Variants in RPH3AL observed in about 807,000 individuals in gnomAD.
RPH3AL encodes rabphilin 3A like (without C2 domains), also known as rab effector Noc2.
In RPH3AL, 38 loss-of-function variants were observed where a neutral mutation model predicts 43.1. That is an observed-to-expected ratio of 0.88 (90% CI 0.68 to 1.15). The LOEUF is 1.15. Among genes scored for constraint, RPH3AL ranks in the 50% most tolerant of loss-of-function variants. RPH3AL has a pLI of 0.00. For missense variants in RPH3AL, 462 were observed against 423.2 expected, an observed-to-expected ratio of 1.09 and a Z score of -0.81; for synonymous variants, 189 against 176.3, an observed-to-expected ratio of 1.07 and a Z score of -0.57.
rs80144485 is a variant in RPH3AL, at chr17:348,506, A to G, written c.-213+4206T>C. Among the ~76,000 whole-genome samples the G allele has an allele frequency of 9.4e-3, 1,403 of 149,046 alleles. 20 individuals are homozygous for G. The highest frequency in any genetic ancestry group is 0.033 in the African/African-American group (1,312 of 40,008). On this transcript the variant is annotated intron_variant, in intron 1 of 9. Coordinates refer to ENST00000331302, the MANE Select transcript of RPH3AL (RefSeq NM_006987.4). Reference sequence around the variant, plus strand: ...ACGGGAACTCTGTACTTTTTGTTCAATTTTTTCTGTAAACCTAACACTGTT... The same window carrying G: ...ACGGGAACTCTGTACTTTTTGTTCAGTTTTTTCTGTAAACCTAACACTGTT...
intron 5 of RPH3AL, among the ~76,000 whole-genome samples, chr17:316,877 C>T (rs1335674537): frequency 2.0e-5 from 3 of 152,164 alleles, no homozygotes; most frequent in African/African-American, 7.2e-5. Flanking sequence ...CTGTGCTCCA[C>T]CTCCATTGAC....
At chr17:243,519 T>C (rs1597916808) in intron 7 of RPH3AL, among the ~76,000 whole-genome samples, 2 of 146,248 alleles carry the variant, frequency 1.4e-5, no homozygotes, top group Non-Finnish European at 1.5e-5. Context: ...CCTTCCTCTA[T>C]TGATTACCTT....
intron 5 of RPH3AL, among the ~76,000 whole-genome samples, chr17:304,778 C>T (rs577155781): frequency 3.3e-5 from 5 of 151,894 alleles, no homozygotes; most frequent in Non-Finnish European, 5.9e-5. Context: ...TCCCGCCCTG[C>T]CCCACGGAGC....
chr17:343,907 C>T (rs76181809), intron 1 of RPH3AL, among the ~76,000 whole-genome samples: 3,041 of 129,442 alleles, frequency 0.023, 50 homozygotes, highest in Admixed American at 0.062. Flanking sequence ...CAGGGTAGGG[C>T]CATCATGGCC....
rs370507993 is a variant in RPH3AL at position 351,095 on chromosome 17, C to G, written c.-213+1617G>C. On this transcript the variant is annotated intron_variant, in intron 1 of 9. Coordinates refer to ENST00000331302, the MANE Select transcript of RPH3AL (RefSeq NM_006987.4). The stretch of plus-strand genomic sequence containing the variant: ...CTGCCCATCACCCACGGCCTCCCCA[C>G]AGAGGGCCAAGGCTCAGCTTGTCCA... Among the ~76,000 whole-genome samples, 8 of 152,188 alleles carry G rather than the reference C, an allele frequency of 5.3e-5. 1 individual carries two copies. In the East Asian group the frequency reaches 1.2e-3, roughly 22 times the overall value.
chr17:246,039 C>T lies in RPH3AL; in HGVS notation c.613+1072G>A, dbSNP rs1043634216. On this transcript the variant is annotated intron_variant, in intron 7 of 9. Transcript: ENST00000331302. The surrounding 1 kb of genome is among the most constrained non-coding windows in gnomAD (Gnocchi z 4.8). ...AAGGCACAGATGCCGACCTACCTGG[C>T]AGGTCCACGTATGGGGGATTTATAC... 8.5e-5 allele frequency among the ~76,000 whole-genome samples: 13 copies of T among 152,184 alleles called. No individual in the cohort carries two copies. Among genetic ancestry groups the T allele is most frequent in the African/African-American group, 2.9e-4 (12 of 41,434 alleles).
intron 2 of RPH3AL, chr17:331,334 C>T (rs2151715181): frequency 4.8e-5 from 2 of 41,818 alleles, no homozygotes; most frequent in Non-Finnish European, 1.0e-4. Flanking sequence ...AAGGATGTCG[C>T]CTCCAGAGCT....
At chr17:236,444 C>T (rs139274310) in intron 7 of RPH3AL, among the ~76,000 whole-genome samples, 3 of 152,026 alleles carry the variant, frequency 2.0e-5, no homozygotes, top group South Asian at 2.1e-4. Context: ...GTTTGACTAT[C>T]GGACACTGGC....
intron 5 of RPH3AL, among the ~76,000 whole-genome samples, chr17:314,374 G>A (rs1337197247): frequency 6.6e-6 from 1 of 152,120 alleles, no homozygotes; most frequent in Non-Finnish European, 1.5e-5. Context: ...CACTGCCCGA[G>A]TCCTGCAAGT....
Position 327,595 on chromosome 17 carries a change from G to A in RPH3AL, c.-36-16C>T, listed in dbSNP as rs775970621. ...GGAGTCACATCTGAGATGAAGGAGG[G>A]AAGACGAAAGAGTGTGCATCATTGG... On this transcript the variant is annotated splice_polypyrimidine_tract_variant and intron_variant, in intron 2 of 9. Coordinates refer to ENST00000331302, the MANE Select transcript of RPH3AL (RefSeq NM_006987.4). 2.6e-6 allele frequency: 4 copies of A among 1,545,158 alleles called. No individual in the cohort carries two copies. Among genetic ancestry groups the A allele is most frequent in the Admixed American group, 3.4e-5 (2 of 59,688 alleles).
At chr17:238,246 C>G (rs1257900556) in intron 7 of RPH3AL, among the ~76,000 whole-genome samples, 1 of 144,714 alleles carries the variant, frequency 6.9e-6, no homozygotes, top group African/African-American at 2.6e-5. Context: ...GAGGGAGGGA[C>G]AGAAAGAGAG....
Position 236,664 on chromosome 17 carries a change from C to T in RPH3AL, c.613+10447G>A, listed in dbSNP as rs569320471. On this transcript the variant is annotated intron_variant, in intron 7 of 9. Coordinates refer to ENST00000331302, the MANE Select transcript of RPH3AL (RefSeq NM_006987.4). ...CTCAGCCGCCCTGTCTGTCTCCTCG[C>T]GGCCTCGCCAGCCTTCGTCTCCCGC... Among the ~76,000 whole-genome samples, 87 of 152,368 alleles carry T rather than the reference C, an allele frequency of 5.7e-4. 2 individuals are homozygous for T. The South Asian group carries it at 0.017, about 30-fold the overall frequency.
chr17:347,671 T>C (rs1422895327), intron 1 of RPH3AL, among the ~76,000 whole-genome samples: 1 of 152,198 alleles, frequency 6.6e-6, no homozygotes, highest in East Asian at 1.9e-4. Flanking sequence ...TCACATTCCT[T>C]GGTATATGCA....
intron 7 of RPH3AL, among the ~76,000 whole-genome samples, chr17:241,904 C>T (rs1419634057): frequency 1.3e-5 from 2 of 151,898 alleles, no homozygotes; most frequent in African/African-American, 4.8e-5. Flanking sequence ...TTGTTTGAGG[C>T]CAAGGGGTTT....
intron 1 of RPH3AL, among the ~76,000 whole-genome samples, chr17:349,861 C>T (rs2045319480): frequency 6.6e-6 from 1 of 152,162 alleles, no homozygotes; most frequent in Non-Finnish European, 1.5e-5. Flanking sequence ...TATATCATCA[C>T]TCACAATCTC....
At chr17:319,354 G>T in intron 5 of RPH3AL, 66 bp downstream of exon 5, 1 of 1,565,114 alleles carries the variant, frequency 6.4e-7, no homozygotes, top group Non-Finnish European at 8.7e-7. Context: ...AGGATGCAAA[G>T]CCACAGCGCA....
chr17:228,573 T>C lies in RPH3AL; in HGVS notation c.614-8837A>G, dbSNP rs549611546. Among the ~76,000 whole-genome samples, 3 of 152,232 alleles carry C rather than the reference T, an allele frequency of 2.0e-5. No individual in the cohort carries two copies. In the South Asian group the frequency reaches 6.2e-4, roughly 32 times the overall value. ...GCCCAGGCCAACCTCGCAGGTGGAC[T>C]CACCCCTTTCGAGGAAGCGTGGATT... On this transcript the variant is annotated intron_variant, in intron 7 of 9. Coordinates refer to ENST00000331302, the MANE Select transcript of RPH3AL (RefSeq NM_006987.4).
chr17:247,715 T>C (rs371778577), intron 6 of RPH3AL: 1 of 165,338 alleles, frequency 6.0e-6, no homozygotes, highest in South Asian at 1.8e-4. Flanking sequence ...GGGCCTGGCA[T>C]GTGAGACATG....
chr17:314,665 A>C (rs1191457579), intron 5 of RPH3AL, among the ~76,000 whole-genome samples: 1 of 128,386 alleles, frequency 7.8e-6, no homozygotes, highest in Non-Finnish European at 1.6e-5. Flanking sequence ...ACCTCCATTG[A>C]CCTGTAGTCT....
Sources: gnomAD v4.1 joint callset for allele counts (sites outside exome capture counted in the v4.1 genomes callset) on GRCh38, gnomAD v4.1.1 for gene constraint, Gnocchi (gnomAD v3.1) non-coding constraint, MANE v1.5 for transcripts, NCBI Gene and HGNC (gene_info 2026-07-23, HGNC 2026-07-21) for gene names.